Variants in MYCT1 observed in about 807,000 individuals in gnomAD.
The protein encoded by MYCT1 is MYC target 1.
MYCT1 carries 12 observed loss-of-function variants against 15.0 expected under a neutral mutation model. The ratio of observed to expected loss-of-function variants is 0.80; its 90% CI spans 0.51 to 1.29. The LOEUF is 1.29. Ranked by LOEUF, MYCT1 falls within the 50% of genes most tolerant of loss-of-function variation. MYCT1 has a pLI of 0.00. For missense variants in MYCT1, 287 were observed against 279.1 expected (o/e 1.03, Z -0.20); for synonymous variants, 104 against 102.7 (o/e 1.01, Z -0.07).
rs982424741 is a variant in MYCT1 at position 152,697,959 on chromosome 6, A to G, written c.57A>G (p.Leu19=). ...AAAATTATTTTTCTCTTGCTGTACT[A>G]CAAAGAGATAGAATCAAACTGCTTT... ...LCKNYFSLAV[L]QRDRIKLLFF... is the part of the protein sequence containing the mutation. The change falls in exon 1 of 2, where the codon CTA becomes CTG. Residue 19 remains leucine (L), a synonymous_variant. Coordinates refer to ENST00000367245, the MANE Select transcript of MYCT1 (RefSeq NM_025107.3). 7 of 1,605,104 alleles carry G rather than the reference A, an allele frequency of 4.4e-6. No individual in the cohort carries two copies. In the Admixed American group the frequency reaches 5.1e-5, roughly 12 times the overall value.
At chr6:152,701,520 C>A (rs1270873948) in intron 1 of MYCT1, among the ~76,000 whole-genome samples, 1 of 152,168 alleles carries the variant, frequency 6.6e-6, no homozygotes, top group Non-Finnish European at 1.5e-5. Context: ...GATTTATAAT[C>A]TCTCCATATT....
intron 1 of MYCT1, among the ~76,000 whole-genome samples, chr6:152,707,449 G>A: frequency 6.6e-6 from 1 of 151,976 alleles, no homozygotes. Context: ...CTCTCATTCT[G>A]TAGGCGTCTC....
Position 152,724,028 on chromosome 6 carries a change from A to G in MYCT1, c.*1775A>G, listed in dbSNP as rs1470837420. 1 of 152,132 alleles carries G rather than the reference A, an allele frequency of 6.6e-6. No homozygotes were observed. Among genetic ancestry groups the G allele is most frequent in the African/African-American group, 2.4e-5 (1 of 41,432 alleles). The allele number at this position is 152,132 out of a possible 1,614,324, so 9.4% of individuals were successfully genotyped here. The stretch of plus-strand genomic sequence containing the variant: ...TATTATCCATCATTCCTTAAGGACA[A>G]TTATTCTTAATAATGCTTATAGAAA... On this transcript the variant is annotated 3_prime_UTR_variant, in exon 2 of 2. Coordinates refer to ENST00000367245, the MANE Select transcript of MYCT1 (RefSeq NM_025107.3).
At chr6:152,742,281 T>G in the MYCT1 span, among the ~76,000 whole-genome samples, 1 of 152,190 alleles carries the variant, frequency 6.6e-6, no homozygotes, top group Non-Finnish European at 1.5e-5. Flanking sequence ...AATGTTCTAC[T>G]GTAAGCTGAG....
At chr6:152,737,759 A>G in the MYCT1 span, among the ~76,000 whole-genome samples, 1 of 152,174 alleles carries the variant, frequency 6.6e-6, no homozygotes, top group South Asian at 2.1e-4. Context: ...GGTATAATGC[A>G]TATGTTGTTT....
rs551586135 is a variant in MYCT1 at position 152,724,048 on chromosome 6, T to C, written c.*1795T>C. The C allele has an allele frequency of 4.6e-5, 7 of 152,070 alleles. No individual in the cohort carries two copies. The highest frequency in any genetic ancestry group is 8.8e-5 in the Non-Finnish European group (6 of 68,018). The allele number at this position is 152,070 out of a possible 1,614,324, so 9.4% of individuals were successfully genotyped here. A position where few individuals can be genotyped will look rare whatever the true frequency, so the allele number is the denominator to read the frequency against. On this transcript the variant is annotated 3_prime_UTR_variant, in exon 2 of 2. Transcript: ENST00000367245. Reference sequence around the variant, plus strand: ...GGACAATTATTCTTAATAATGCTTATAGAAAATGTTCTCTAATTAAACATG... The same window carrying C: ...GGACAATTATTCTTAATAATGCTTACAGAAAATGTTCTCTAATTAAACATG...
At chr6:152,704,551 A>C (rs558077367) in intron 1 of MYCT1, among the ~76,000 whole-genome samples, 1 of 152,318 alleles carries the variant, frequency 6.6e-6, no homozygotes, top group Admixed American at 6.5e-5. Context: ...TGATCAAATC[A>C]GGGTAATCAG....
intron 1 of MYCT1, among the ~76,000 whole-genome samples, chr6:152,707,486 TG>T (rs1444713163): frequency 6.6e-6 from 1 of 152,144 alleles, no homozygotes; most frequent in Non-Finnish European, 1.5e-5. Context: ...TTTCCTTTAC[TG>T]TGCAGAAGCT....
chr6:152,734,086 T>G, the MYCT1 span, among the ~76,000 whole-genome samples: 1 of 152,098 alleles, frequency 6.6e-6, no homozygotes, highest in South Asian at 2.1e-4. Flanking sequence ...TGGTGATTTC[T>G]CCTGTCTCTG....
chr6:152,704,602 G>A (rs1180087971), intron 1 of MYCT1, among the ~76,000 whole-genome samples: 1 of 152,010 alleles, frequency 6.6e-6, no homozygotes, highest in African/African-American at 2.4e-5. Context: ...CTTTGTGCAA[G>A]AACATTCAAA....
chr6:152,746,948 T>G, the MYCT1 span, among the ~76,000 whole-genome samples: 5 of 152,220 alleles, frequency 3.3e-5, no homozygotes, highest in African/African-American at 1.2e-4. Context: ...TTATTTGTTT[T>G]GCTTTATATT....
chr6:152,742,972 T>C, the MYCT1 span, among the ~76,000 whole-genome samples: 1 of 152,224 alleles, frequency 6.6e-6, no homozygotes, highest in African/African-American at 2.4e-5. Context: ...GCCTTCTCTA[T>C]CTAATACTTA....
At chr6:152,714,111 A>G (rs1043622101) in intron 1 of MYCT1, among the ~76,000 whole-genome samples, 4 of 151,846 alleles carry the variant, frequency 2.6e-5, no homozygotes, top group African/African-American at 7.3e-5. Context: ...ATCTGTTCTA[A>G]TGTCACATTT....
At chr6:152,745,861 C>T in the MYCT1 span, among the ~76,000 whole-genome samples, 4 of 152,142 alleles carry the variant, frequency 2.6e-5, no homozygotes, top group African/African-American at 9.7e-5. Flanking sequence ...GGTTTGTCTC[C>T]CGTACCATTA....
chr6:152,746,147 G>C, the MYCT1 span, among the ~76,000 whole-genome samples: 1 of 152,164 alleles, frequency 6.6e-6, no homozygotes, highest in Admixed American at 6.5e-5. Flanking sequence ...GCTTTCTTAA[G>C]GTTAAAAGCC....
the MYCT1 span, among the ~76,000 whole-genome samples, chr6:152,734,428 C>G: frequency 2.6e-5 from 4 of 152,242 alleles, no homozygotes; most frequent in Non-Finnish European, 5.9e-5. Flanking sequence ...CCAAAGGCAA[C>G]TGTGTTGCTT....
chr6:152,740,975 G>A, the MYCT1 span, among the ~76,000 whole-genome samples: 1 of 152,132 alleles, frequency 6.6e-6, no homozygotes, highest in African/African-American at 2.4e-5. Context: ...TATTTCCTGT[G>A]ATAAATGTAT....
At chr6:152,729,032 C>T (rs114071523), downstream of MYCT1, among the ~76,000 whole-genome samples, 144 of 152,254 alleles carry the variant, frequency 9.5e-4, 1 homozygote, top group African/African-American at 3.2e-3. Context: ...CTTAGGGACA[C>T]GGTGTGATTT....
At chr6:152,744,843 G>C in the MYCT1 span, among the ~76,000 whole-genome samples, 1 of 152,128 alleles carries the variant, frequency 6.6e-6, no homozygotes, top group Non-Finnish European at 1.5e-5. Flanking sequence ...GGCGGGAGCT[G>C]GGGGGAGAGC....
Sources: gnomAD v4.1 joint callset for allele counts (sites outside exome capture counted in the v4.1 genomes callset) on GRCh38, gnomAD v4.1.1 for gene constraint, MANE v1.5 for transcripts, NCBI Gene and HGNC (gene_info 2026-07-23, HGNC 2026-07-21) for gene names.